Variants in PTPRE observed in about 807,000 individuals in gnomAD.
PTPRE encodes the protein protein tyrosine phosphatase receptor type E, also known as receptor-type tyrosine-protein phosphatase epsilon.
Under a neutral mutation model 102.0 loss-of-function variants are expected in PTPRE, and 51 were observed. That is an observed-to-expected ratio of 0.50 (90% CI 0.40 to 0.63). The LOEUF (loss-of-function observed/expected upper bound fraction) is 0.63, where lower values mean the gene tolerates loss of function less well. Ranked by LOEUF, PTPRE falls within the 30% of genes least tolerant of loss-of-function variation. The pLI is 0.00. For synonymous variants in PTPRE, 345 were observed against 348.2 expected (o/e 0.99, Z 0.10); for missense variants, 752 against 915.1 (o/e 0.82, Z 2.30).
At chr10:128,021,025 G>T (rs1225183861) in intron 2 of PTPRE, among the ~76,000 whole-genome samples, 3 of 151,922 alleles carry the variant, frequency 2.0e-5, no homozygotes, top group African/African-American at 7.3e-5. Context: ...CTCCCGAGTA[G>T]CTGGGACTAC....
At chr10:128,058,352 T>C (rs1041608715) in intron 7 of PTPRE, among the ~76,000 whole-genome samples, 4 of 152,222 alleles carry the variant, frequency 2.6e-5, no homozygotes, top group South Asian at 2.1e-4. Context: ...CTGGAGTCAG[T>C]TGGCATTTCC....
At chr10:127,945,558 TG>T (rs1376598711) in intron 1 of PTPRE, among the ~76,000 whole-genome samples, 1 of 152,208 alleles carries the variant, frequency 6.6e-6, no homozygotes, top group Non-Finnish European at 1.5e-5. Context: ...TCTACAGGAA[TG>T]GGGTTTGGCA....
chr10:128,055,523 G>T (rs115608048), intron 6 of PTPRE, among the ~76,000 whole-genome samples: 1 of 152,110 alleles, frequency 6.6e-6, no homozygotes, highest in African/African-American at 2.4e-5. Context: ...TGGGTCTGGG[G>T]TGTGGACAGA....
At chr10:127,952,079 C>A (rs61873690) in intron 1 of PTPRE, among the ~76,000 whole-genome samples, 1 of 152,142 alleles carries the variant, frequency 6.6e-6, no homozygotes, top group Non-Finnish European at 1.5e-5. Flanking sequence ...AGCAATATAC[C>A]TTCACTCTCC....
At chr10:127,997,482 TAC>T (rs951413892) in intron 2 of PTPRE, among the ~76,000 whole-genome samples, 1 of 152,138 alleles carries the variant, frequency 6.6e-6, no homozygotes, top group Non-Finnish European at 1.5e-5. Flanking sequence ...ACTTGAATAG[TAC>T]ATCCTTCAGG....
chr10:127,992,148 G>A (rs1257209836), intron 2 of PTPRE, among the ~76,000 whole-genome samples: 1 of 152,160 alleles, frequency 6.6e-6, no homozygotes, highest in Non-Finnish European at 1.5e-5. Context: ...GCAGATCAGA[G>A]GGGTGAGAAA....
chr10:127,960,007 C>T (rs4347296), intron 1 of PTPRE, among the ~76,000 whole-genome samples: 117,923 of 152,128 alleles, frequency 0.78, 46,312 homozygotes, highest in African/African-American at 0.91. Flanking sequence ...GAGAATGTAA[C>T]TCTTTGGGGA....
At chr10:128,009,524 G>A (rs557289151) in intron 2 of PTPRE, among the ~76,000 whole-genome samples, 2 of 152,306 alleles carry the variant, frequency 1.3e-5, no homozygotes, top group African/African-American at 4.8e-5. Flanking sequence ...CCAAGGGCAT[G>A]CTTCTTCCCT....
chr10:127,994,622 C>G (rs1243187697), intron 2 of PTPRE, among the ~76,000 whole-genome samples: 1 of 152,232 alleles, frequency 6.6e-6, no homozygotes. Flanking sequence ...AGTCAACTAA[C>G]ACCTCCAAGT....
chr10:127,973,650 G>GA lies in PTPRE; in HGVS notation c.-30-8613dup, dbSNP rs547461869. ...TCTCTGCTCTGAGTACCATATTCCT[G>GA]AAAAAAAAAAATTGATCTGTTTTCA... On this transcript the variant is annotated intron_variant, in intron 1 of 20. Transcript: ENST00000254667. Among the ~76,000 whole-genome samples, 511 of 147,310 alleles carry GA rather than the reference G, an allele frequency of 3.5e-3. 1 individual carries two copies. Among genetic ancestry groups the GA allele is most frequent in the African/African-American group, 0.011 (445 of 40,368 alleles).
chr10:127,981,499 T>TAAA (rs148346973), intron 1 of PTPRE, among the ~76,000 whole-genome samples: 1 of 151,814 alleles, frequency 6.6e-6, no homozygotes, highest in African/African-American at 2.4e-5. Flanking sequence ...TGTTTTTTTT[T>TAAA]AAAAAATAAA....
chr10:127,970,781 T>C (rs1850668200), intron 1 of PTPRE, among the ~76,000 whole-genome samples: 2 of 151,440 alleles, frequency 1.3e-5, no homozygotes, highest in Admixed American at 1.3e-4. Context: ...TCACCTGATA[T>C]TTTCCCCTTG....
At chr10:128,002,591 C>T (rs4002572) in intron 2 of PTPRE, among the ~76,000 whole-genome samples, 77,792 of 150,320 alleles carry the variant, frequency 0.52, 20,135 homozygotes, top group South Asian at 0.71. Context: ...TGGCACATGG[C>T]GCAGGCTCAG....
rs1129205 is a variant in PTPRE at position 128,085,106 on chromosome 10, A to G, written c.*2200A>G. 0.54 allele frequency: 245,466 copies of G among 454,844 alleles called. 67,142 individuals carry two copies. The highest frequency in any genetic ancestry group is 0.65 in the Admixed American group (27,602 of 42,434). The allele number at this position is 454,844 out of a possible 1,614,324, so 28.2% of individuals were successfully genotyped here. On this transcript the variant is annotated 3_prime_UTR_variant, in exon 21 of 21. Coordinates refer to ENST00000254667, the MANE Select transcript of PTPRE (RefSeq NM_006504.6). ...GAGAAGCCACTTTCCCCAGGACGCA[A>G]GACTCTCCCCTCCACTGTCCGGGAC...
chr10:128,015,759 T>A (rs1845373598), intron 2 of PTPRE, among the ~76,000 whole-genome samples: 1 of 152,168 alleles, frequency 6.6e-6, no homozygotes, highest in African/African-American at 2.4e-5. Context: ...TACAGTGAGC[T>A]ATGATCTTGC....
At chr10:127,957,559 G>C (rs1412702261) in intron 1 of PTPRE, among the ~76,000 whole-genome samples, 1 of 152,140 alleles carries the variant, frequency 6.6e-6, no homozygotes, top group African/African-American at 2.4e-5. Flanking sequence ...ATATCAGAAA[G>C]GCTCTCCATT....
At chr10:128,060,357 G>A (rs761559947) in intron 7 of PTPRE, among the ~76,000 whole-genome samples, 9 of 152,186 alleles carry the variant, frequency 5.9e-5, no homozygotes. Flanking sequence ...GCAACAGGCT[G>A]GATCTACCAG....
chr10:128,004,605 C>T (rs1854327753), intron 2 of PTPRE, among the ~76,000 whole-genome samples: 1 of 152,192 alleles, frequency 6.6e-6, no homozygotes, highest in South Asian at 2.1e-4. Flanking sequence ...TAGGCTGAAT[C>T]ATATCTCATT....
chr10:128,034,737 G>A (rs1435529786), intron 2 of PTPRE, among the ~76,000 whole-genome samples: 1 of 151,980 alleles, frequency 6.6e-6, no homozygotes, highest in East Asian at 1.9e-4. Flanking sequence ...AAACAAGGAA[G>A]CAATAAAGTG....
Sources: gnomAD v4.1 joint callset for allele counts (sites outside exome capture counted in the v4.1 genomes callset) on GRCh38, gnomAD v4.1.1 for gene constraint, MANE v1.5 for transcripts, NCBI Gene and HGNC (gene_info 2026-07-23, HGNC 2026-07-21) for gene names.